Variants in F5 observed in about 807,000 individuals in gnomAD.
F5 encodes activated protein c cofactor.
Under a neutral mutation model 216.4 loss-of-function variants are expected in F5, and 138 were observed. The ratio of observed to expected loss-of-function variants is 0.64; its 90% CI spans 0.56 to 0.73. F5 has a LOEUF of 0.73. Among genes scored for constraint, F5 ranks in the 30% least tolerant of loss-of-function variants. The probability of loss-of-function intolerance (pLI) is 0.00; values close to 1 mark genes in which losing one functional copy is unlikely to be tolerated. For synonymous variants in F5, 916 were observed against 930.7 expected, an observed-to-expected ratio of 0.98 and a Z score of 0.29; for missense variants, 2,403 against 2,674.0, an observed-to-expected ratio of 0.90 and a Z score of 2.24.
intron 5 of F5, among the ~76,000 whole-genome samples, 193 bp from the exon 6 acceptor site, chr1:169,557,060 G>T (rs533293054): frequency 1.3e-5 from 2 of 152,328 alleles, no homozygotes; most frequent in African/African-American, 4.8e-5. Context: ...AACAAGCAGT[G>T]ACAACTCATT....
At chr1:169,521,821 A>G (rs921155427) in intron 21 of F5, among the ~76,000 whole-genome samples, 1 of 151,728 alleles carries the variant, frequency 6.6e-6, no homozygotes, top group African/African-American at 2.4e-5. Flanking sequence ...GGGTTTCACC[A>G]TGTTGGTCAG....
At chr1:169,534,286 C>T (rs1326005269) in intron 14 of F5, among the ~76,000 whole-genome samples, 1 of 152,152 alleles carries the variant, frequency 6.6e-6, no homozygotes, top group Non-Finnish European at 1.5e-5. Context: ...CCTTCTTTAA[C>T]TTGGTGTCTG....
chr1:169,542,690 G>T lies in F5; in HGVS notation c.2400C>A (p.His800Gln). 1 of 1,614,124 alleles carries T rather than the reference G, an allele frequency of 6.2e-7. No individual in the cohort carries two copies. Among genetic ancestry groups the T allele is most frequent in the Non-Finnish European group, 8.5e-7 (1 of 1,179,996 alleles). ...NLAEPQKAPS[H>Q]QQATTAGSPL... ...GGGAACCAGCTGTGGTGGCTTGTTGGTGAGAAGGGGCTTTCTGAGGTTCTG... is the reference window on the plus strand; with the variant it reads ...GGGAACCAGCTGTGGTGGCTTGTTGTTGAGAAGGGGCTTTCTGAGGTTCTG... Residue 800 changes from histidine to glutamine, a missense_variant, in exon 13 of 25, where the codon CAC becomes CAA. His to Gln is a conservative substitution (Grantham distance 24). Transcript: ENST00000367797.
At chr1:169,556,992 A>G in intron 5 of F5, 125 bp from the exon 6 acceptor site, 1 of 840,642 alleles carries the variant, frequency 1.2e-6, no homozygotes. Context: ...GCTTTGAGGG[A>G]ACAGACACTC....
In F5 at chr1:169,531,037, G is replaced by A; in HGVS notation, c.4972-15C>T. ...TTAAAACGAACCTAGGAAAAGGAAT[G>A]ATCCACAAATGTACTTAAGCTTAAC... On this transcript the variant is annotated splice_polypyrimidine_tract_variant and intron_variant, in intron 14 of 24. Transcript: ENST00000367797. 2 of 1,585,742 alleles carry A rather than the reference G, an allele frequency of 1.3e-6. No individual in the cohort carries two copies. Among genetic ancestry groups the A allele is most frequent in the Non-Finnish European group, 8.6e-7 (1 of 1,158,154 alleles).
intron 7 of F5, among the ~76,000 whole-genome samples, chr1:169,554,672 T>A (rs111393903): frequency 0.047 from 7,218 of 152,296 alleles, 224 homozygotes; most frequent in Middle Eastern, 0.071. Context: ...CCACGAACAA[T>A]ATATGATAGT....
At position 169,560,558 on chromosome 1, in the gene F5, T is replaced by C. The variant is rs1346347939; in HGVS notation, c.582A>G (p.Lys194=). 2 of 1,613,382 alleles carry C rather than the reference T, an allele frequency of 1.2e-6. No homozygotes were observed. The highest frequency in any genetic ancestry group is 2.7e-5 in the African/African-American group (2 of 74,832). Residue 194 remains lysine, a synonymous_variant, in exon 4 of 25, where the codon AAA becomes AAG. Coordinates refer to ENST00000367797, the MANE Select transcript of F5 (RefSeq NM_000130.5). ...SGLIGPLLIC[K]KGTLTEGGTQ... is the part of the protein sequence containing the mutation. ...TTTTGGTGGGGGTGTTCTTACCTTT[T>C]TTACAGATAAGCAGGGGCCCAATCA...
intron 12 of F5, among the ~76,000 whole-genome samples, 170 bp from the exon 13 acceptor site, chr1:169,543,284 C>T (rs1410768780): frequency 2.0e-5 from 3 of 152,114 alleles, no homozygotes; most frequent in Non-Finnish European, 4.4e-5. Flanking sequence ...GTCAAAATAA[C>T]ACAAGGAGAG....
chr1:169,530,789 G>A lies in F5; in HGVS notation c.5205C>T (p.Asn1735=). Residue 1735 remains asparagine (N), a synonymous_variant, in exon 15 of 25, where the codon AAC becomes AAT. Coordinates refer to ENST00000367797, the MANE Select transcript of F5 (RefSeq NM_000130.5). ...CRAWAYYSAV[N]PEKDIHSGLI... ...AACTTTCAATGAAAGTACCTACTGG[G>A]TTCACAGCTGAGTAGTAGGCCCAAG... is the stretch of plus-strand genomic sequence containing the variant. The A allele has an allele frequency of 6.2e-7, 1 of 1,613,570 alleles. No individual in the cohort carries two copies. The highest frequency in any genetic ancestry group is 8.5e-7 in the Non-Finnish European group (1 of 1,179,534).
chr1:169,524,034 G>A, intron 19 of F5, 130 bp from the exon 20 acceptor site: 3 of 768,818 alleles, frequency 3.9e-6, no homozygotes, highest in Non-Finnish European at 6.7e-6. Context: ...CTAGGCATGG[G>A]CCTCAGCTAC....
chr1:169,523,131 T>A (rs1659350085), intron 21 of F5, 66 bp downstream of exon 21: 12 of 1,530,126 alleles, frequency 7.8e-6, no homozygotes, highest in Non-Finnish European at 1.1e-5. Flanking sequence ...AATCATTAGG[T>A]ATAGTCATAA....
intron 24 of F5, 106 bp downstream of exon 24, chr1:169,515,338 A>G (rs1259019204): frequency 7.6e-7 from 1 of 1,308,050 alleles, no homozygotes; most frequent in Non-Finnish European, 1.1e-6. Flanking sequence ...TAGAAGACTT[A>G]AAGAGGTGGT....
chr1:169,550,885 G>A, intron 8 of F5, 146 bp from the exon 9 acceptor site: 1 of 660,746 alleles, frequency 1.5e-6, no homozygotes. Context: ...GTTTATCTGA[G>A]CAGTAACCTC....
intron 12 of F5, among the ~76,000 whole-genome samples, chr1:169,543,941 G>A (rs1659933890): frequency 6.6e-6 from 1 of 152,186 alleles, no homozygotes; most frequent in African/African-American, 2.4e-5. Flanking sequence ...TGTACCTGAT[G>A]ATTGAAGATG....
At chr1:169,578,608 T>C (rs1397270498) in intron 2 of F5, among the ~76,000 whole-genome samples, 1 of 152,222 alleles carries the variant, frequency 6.6e-6, no homozygotes, top group Non-Finnish European at 1.5e-5. Flanking sequence ...CTAATGAGTA[T>C]GTTTCCCACC....
intron 7 of F5, among the ~76,000 whole-genome samples, chr1:169,554,006 C>G (rs928884654): frequency 6.4e-5 from 9 of 140,618 alleles, no homozygotes; most frequent in Non-Finnish European, 9.6e-5. Context: ...GCCAAACACT[C>G]CTGGATTCCT....
rs760880869 is a variant in F5 at position 169,546,444 on chromosome 1, C to G, written c.1760G>C (p.Ser587Thr). 1 of 1,614,090 alleles carries G rather than the reference C, an allele frequency of 6.2e-7. No homozygotes were observed. Among genetic ancestry groups the G allele is most frequent in the African/African-American group, 1.3e-5 (1 of 75,048 alleles). Reference sequence around the variant, plus strand: ...ACAAAAATAGTACTCTGACTTACTGCTCATGATGTTTGATTCATAAAACTT... The same window carrying G: ...ACAAAAATAGTACTCTGACTTACTGGTCATGATGTTTGATTCATAAAACTT... ...DPKFYESNIM[S>T]TINGYVPESI... The change falls in exon 11 of 25, where the codon AGC becomes ACC. Residue 587 changes from serine (S) to threonine (T), a missense_variant and splice_region_variant. Physicochemically the swap from Ser to Thr is moderately conservative, Grantham distance 58. Coordinates refer to ENST00000367797, the MANE Select transcript of F5 (RefSeq NM_000130.5).
chr1:169,549,503 T>C (rs1210402186), intron 10 of F5, among the ~76,000 whole-genome samples: 1 of 152,098 alleles, frequency 6.6e-6, no homozygotes, highest in African/African-American at 2.4e-5. Flanking sequence ...AAGGAAGAAA[T>C]TAGGAAAGGC....
Position 169,541,459 on chromosome 1 carries a change from T to A in F5, c.3631A>T (p.Thr1211Ser), listed in dbSNP as rs140303718. The A allele has an allele frequency of 6.2e-7, 1 of 1,613,956 alleles. No individual in the cohort carries two copies. Among genetic ancestry groups the A allele is most frequent in the East Asian group, 2.2e-5 (1 of 44,860 alleles). Reference sequence around the variant, plus strand: ...TGAATGAGTTCTGGAGAGAGAGTCGTGTGGCTGAGGTCTGGAGAGAGGTTT... The same window carrying A: ...TGAATGAGTTCTGGAGAGAGAGTCGAGTGGCTGAGGTCTGGAGAGAGGTTT... ...QTNLSPDLSH[T>S]TLSPELIQRN... Residue 1211 changes from threonine (T) to serine (S), a missense_variant, in exon 13 of 25, where the codon ACG becomes TCG. By Grantham distance (58) the Thr-to-Ser change is moderately conservative. This residue lies in a region of F5 where 1,425 missense variants were observed against 1,554.8 expected (regional missense o/e 0.92). Coordinates refer to ENST00000367797, the MANE Select transcript of F5 (RefSeq NM_000130.5).
Sources: gnomAD v4.1 joint callset for allele counts (sites outside exome capture counted in the v4.1 genomes callset) on GRCh38, gnomAD v4.1.1 for gene constraint, gnomAD v4.1.1 regional missense constraint, MANE v1.5 for transcripts, NCBI Gene and HGNC (gene_info 2026-07-23, HGNC 2026-07-21) for gene names.